Variants in ADAM23 observed in about 807,000 individuals in gnomAD.
ADAM23 encodes the protein disintegrin and metalloproteinase domain-containing protein 23.
Under a neutral mutation model 120.1 loss-of-function variants are expected in ADAM23, and 33 were observed. That is an observed-to-expected ratio of 0.27 (90% confidence interval 0.21 to 0.37). The LOEUF (loss-of-function observed/expected upper bound fraction) is 0.37. ADAM23 is among the 10% of genes least tolerant of loss of function. The probability of loss-of-function intolerance (pLI) is 1.00; values close to 1 mark genes in which losing one functional copy is unlikely to be tolerated. For missense variants in ADAM23, 862 were observed against 1,058.2 expected (o/e 0.81, Z 2.57); for synonymous variants, 367 against 375.2 (o/e 0.98, Z 0.25).
intron 2 of ADAM23, among the ~76,000 whole-genome samples, chr2:206,450,701 A>G (rs1695175201): frequency 1.3e-5 from 2 of 152,168 alleles, no homozygotes; most frequent in Non-Finnish European, 2.9e-5. Flanking sequence ...ACTGCTACCC[A>G]TCATTAATGT....
chr2:206,596,899 CTTTTTTTTTTTTTTTT>C (rs144070768), intron 24 of ADAM23, among the ~76,000 whole-genome samples: 4 of 82,934 alleles, frequency 4.8e-5, no homozygotes, highest in Non-Finnish European at 8.9e-5. Context: ...ATTATATCAT[CTTTTTTTTTTTTTTTT>C]TTTTTTTTTT....
intron 24 of ADAM23, chr2:206,607,822 A>G: frequency 3.6e-6 from 1 of 275,592 alleles, no homozygotes; most frequent in Non-Finnish European, 7.1e-6. Context: ...GATTGTCTCA[A>G]CATTTCTTAG....
intron 3 of ADAM23, among the ~76,000 whole-genome samples, chr2:206,518,716 T>C (rs1284076317): frequency 2.0e-5 from 3 of 152,124 alleles, no homozygotes; most frequent in African/African-American, 7.2e-5. Context: ...GTGTATCACT[T>C]TACATCTTGG....
At chr2:206,459,476 A>G (rs1695368316) in intron 2 of ADAM23, among the ~76,000 whole-genome samples, 2 of 152,064 alleles carry the variant, frequency 1.3e-5, no homozygotes, top group South Asian at 2.1e-4. Flanking sequence ...TTGTTTTTCC[A>G]TTTAGTTTTT....
intron 3 of ADAM23, among the ~76,000 whole-genome samples, chr2:206,528,313 G>T (rs1696982255): frequency 6.6e-6 from 1 of 152,140 alleles, no homozygotes; most frequent in South Asian, 2.1e-4. Context: ...TCTGCACCCT[G>T]TGAGATATTC....
chr2:206,512,537 C>G (rs1166139623), intron 3 of ADAM23, among the ~76,000 whole-genome samples: 2 of 152,196 alleles, frequency 1.3e-5, no homozygotes, highest in African/African-American at 4.8e-5. Flanking sequence ...ATCTGACCCT[C>G]TGAGCATGCA....
chr2:206,520,623 C>T (rs919245963), intron 3 of ADAM23, among the ~76,000 whole-genome samples: 4 of 152,068 alleles, frequency 2.6e-5, no homozygotes, highest in African/African-American at 4.8e-5. Flanking sequence ...AGAGGCTGCT[C>T]CTTAATGTCT....
At chr2:206,576,094 C>G (rs1392749685) in intron 18 of ADAM23, among the ~76,000 whole-genome samples, 2 of 152,062 alleles carry the variant, frequency 1.3e-5, no homozygotes, top group Admixed American at 6.5e-5. Context: ...ATATCTGTTT[C>G]TTACATTTCA....
intron 13 of ADAM23, among the ~76,000 whole-genome samples, chr2:206,563,143 C>A (rs558327977): frequency 1.4e-4 from 22 of 152,080 alleles, no homozygotes; most frequent in Non-Finnish European, 2.8e-4. Flanking sequence ...TAATGCAATC[C>A]GGTGGAAAGA....
intron 10 of ADAM23, among the ~76,000 whole-genome samples, chr2:206,557,745 C>T (rs1025958644): frequency 6.6e-6 from 1 of 152,028 alleles, no homozygotes; most frequent in Non-Finnish European, 1.5e-5. Context: ...CATTATTGCC[C>T]CCAGTCTGTG....
At chr2:206,550,590 A>G (rs1039182208) in intron 9 of ADAM23, among the ~76,000 whole-genome samples, 2 of 148,732 alleles carry the variant, frequency 1.3e-5, no homozygotes, top group African/African-American at 2.5e-5. Context: ...ATCTTTGATG[A>G]CTTATCGTCT....
chr2:206,514,091 C>T (rs1213643018), intron 3 of ADAM23, among the ~76,000 whole-genome samples: 7 of 152,144 alleles, frequency 4.6e-5, no homozygotes, highest in Non-Finnish European at 7.4e-5. Flanking sequence ...TGCCTGATAA[C>T]ACAACATCCA....
At chr2:206,588,004 A>G (rs1164365993) in intron 19 of ADAM23, 87 bp from the exon 20 acceptor site, 2 of 1,403,268 alleles carry the variant, frequency 1.4e-6, no homozygotes, top group East Asian at 4.6e-5. Context: ...AACTTTATCC[A>G]AGTGAACCAG....
At chr2:206,474,134 C>G (rs955187702) in intron 2 of ADAM23, among the ~76,000 whole-genome samples, 3 of 151,730 alleles carry the variant, frequency 2.0e-5, no homozygotes, top group Non-Finnish European at 4.4e-5. Context: ...GCCCATAATA[C>G]TATCAATTGG....
intron 10 of ADAM23, among the ~76,000 whole-genome samples, chr2:206,558,921 T>G (rs7607033): frequency 0.27 from 37,149 of 135,548 alleles, 5,650 homozygotes; most frequent in Non-Finnish European, 0.29. Flanking sequence ...ATCCATTGGT[T>G]TTTGTTTGTT....
chr2:206,556,074 T>TAA (rs1697637365), intron 9 of ADAM23, among the ~76,000 whole-genome samples: 1 of 152,156 alleles, frequency 6.6e-6, no homozygotes, highest in Non-Finnish European at 1.5e-5. Context: ...CAGTTTACTT[T>TAA]AAAAGAACAC....
intron 3 of ADAM23, among the ~76,000 whole-genome samples, chr2:206,500,314 T>A (rs1696361215): frequency 6.6e-6 from 1 of 152,120 alleles, no homozygotes. Flanking sequence ...AATGATTAAA[T>A]TATATGACTC....
At chr2:206,468,100 G>T (rs1320585047) in intron 2 of ADAM23, among the ~76,000 whole-genome samples, 1 of 152,164 alleles carries the variant, frequency 6.6e-6, no homozygotes, top group African/African-American at 2.4e-5. Flanking sequence ...GGCCTGTGAT[G>T]GTCTGCTGTG....
intron 2 of ADAM23, among the ~76,000 whole-genome samples, chr2:206,457,545 T>A (rs1322085993): frequency 6.6e-6 from 1 of 152,202 alleles, no homozygotes; most frequent in Non-Finnish European, 1.5e-5. Context: ...CACTTGGCCT[T>A]CCTCTATGAC....
Sources: gnomAD v4.1 joint callset for allele counts (sites outside exome capture counted in the v4.1 genomes callset) on GRCh38, gnomAD v4.1.1 for gene constraint, MANE v1.5 for transcripts, NCBI Gene and HGNC (gene_info 2026-07-23, HGNC 2026-07-21) for gene names.